MYO5A: variants seen among roughly 807,000 people sequenced by gnomAD.
The protein encoded by MYO5A is myosin VA, also known as unconventional myosin-Va.
Under a neutral mutation model 249.7 loss-of-function variants are expected in MYO5A, and 98 were observed. That is an observed-to-expected ratio of 0.39 (90% CI 0.33 to 0.46). MYO5A has a LOEUF of 0.46. Ranked by LOEUF, MYO5A falls within the 20% of genes least tolerant of loss-of-function variation. The probability of loss-of-function intolerance (pLI) is 0.98; values close to 1 mark genes in which losing one functional copy is unlikely to be tolerated. For missense variants in MYO5A, 1,696 were observed against 2,308.8 expected (o/e 0.73, Z 5.44); for synonymous variants, 778 against 810.6 (o/e 0.96, Z 0.68).
intron 1 of MYO5A, 26 bp downstream of exon 1, chr15:52,528,754 T>G: frequency 3.3e-6 from 5 of 1,502,832 alleles, no homozygotes; most frequent in Non-Finnish European, 4.4e-6. Flanking sequence ...GCCCCAGTCC[T>G]CGACGCCGGC....
intron 37 of MYO5A, among the ~76,000 whole-genome samples, chr15:52,322,315 T>A (rs1234700371): frequency 1.3e-5 from 2 of 152,228 alleles, no homozygotes; most frequent in Non-Finnish European, 2.9e-5. Flanking sequence ...CTCATCTCTG[T>A]GTTTCCCATC....
At chr15:52,397,494 A>C in intron 9 of MYO5A, 28 bp from the exon 10 acceptor site, 1 of 1,610,478 alleles carries the variant, frequency 6.2e-7, no homozygotes, top group Non-Finnish European at 8.5e-7. Context: ...GTTATTTCCT[A>C]TGACCAGATA....
intron 1 of MYO5A, among the ~76,000 whole-genome samples, chr15:52,450,843 G>GTTTTTTGTTTTTTTTTT (rs769982056): frequency 1.6e-3 from 132 of 84,548 alleles, no homozygotes; most frequent in African/African-American, 5.7e-3. Context: ...CACTACTGTG[G>GTTTTTTGTTTTTTTTTT]TTTTTTTTTT....
At chr15:52,318,142 A>G (rs1164614191) in intron 39 of MYO5A, among the ~76,000 whole-genome samples, 1 of 152,152 alleles carries the variant, frequency 6.6e-6, no homozygotes, top group Non-Finnish European at 1.5e-5. Context: ...CTCTTGGTGA[A>G]TATTCTAGCT....
At chr15:52,343,839 C>G (rs779000372) in intron 30 of MYO5A, among the ~76,000 whole-genome samples, 2 of 152,128 alleles carry the variant, frequency 1.3e-5, no homozygotes, top group Admixed American at 1.3e-4. Context: ...TTATTAAAAA[C>G]GTATAATTAG....
At chr15:52,526,213 T>C (rs1322016250) in intron 1 of MYO5A, among the ~76,000 whole-genome samples, 2 of 152,216 alleles carry the variant, frequency 1.3e-5, no homozygotes, top group Non-Finnish European at 2.9e-5. Flanking sequence ...ACGGTCTTGC[T>C]GTTTTGCCCA....
chr15:52,466,628 A>C (rs2076359279), intron 1 of MYO5A, among the ~76,000 whole-genome samples: 1 of 152,200 alleles, frequency 6.6e-6, no homozygotes, highest in Non-Finnish European at 1.5e-5. Flanking sequence ...ACATCAGCAT[A>C]ACAGTGGTCA....
chr15:52,390,807 C>A (rs2042199435), intron 12 of MYO5A, among the ~76,000 whole-genome samples: 1 of 152,128 alleles, frequency 6.6e-6, no homozygotes, highest in Admixed American at 6.5e-5. Flanking sequence ...TATCCACCCA[C>A]CTCAGCCTCT....
chr15:52,404,509 C>A lies in MYO5A; in HGVS notation c.1053+778G>T, dbSNP rs897875807. 7.9e-5 allele frequency among the ~76,000 whole-genome samples: 12 copies of A among 151,972 alleles called. 1 individual carries two copies. Among genetic ancestry groups the A allele is most frequent in the Admixed American group, 7.2e-4 (11 of 15,262 alleles). On this transcript the variant is annotated intron_variant, in intron 9 of 41. Transcript: ENST00000399233. ...GAATAAACACCATTTAAATTAAGGC[C>A]TTAATTAAGAATACCACAATGAATA... is the stretch of plus-strand genomic sequence containing the variant.
At chr15:52,410,299 A>T (rs755708436) in intron 6 of MYO5A, 34 bp downstream of exon 6, 1 of 1,598,322 alleles carries the variant, frequency 6.3e-7, no homozygotes, top group Admixed American at 1.7e-5. Context: ...ACAGCAATCT[A>T]ACACAAGTGC....
chr15:52,503,826 C>G (rs1221077023), intron 1 of MYO5A, among the ~76,000 whole-genome samples: 1 of 152,146 alleles, frequency 6.6e-6, no homozygotes, highest in East Asian at 1.9e-4. Context: ...GAGGTATTAT[C>G]TACCTCTACT....
At chr15:52,449,020 G>A (rs528378029) in intron 1 of MYO5A, among the ~76,000 whole-genome samples, 1 of 125,278 alleles carries the variant, frequency 8.0e-6, no homozygotes, top group Non-Finnish European at 1.6e-5. Context: ...CCAGGCTGGA[G>A]TGCAATGGCA....
chr15:52,365,980 T>G (rs2141068457), intron 23 of MYO5A, among the ~76,000 whole-genome samples: 1 of 152,278 alleles, frequency 6.6e-6, no homozygotes, highest in Non-Finnish European at 1.5e-5. Flanking sequence ...TTCTGGCTCC[T>G]TTTCTTTACC....
Position 52,307,515 on chromosome 15 carries a change from C to G in MYO5A, c.*6181G>C, listed in dbSNP as rs1046341348. On this transcript the variant is annotated 3_prime_UTR_variant, in exon 42 of 42. Coordinates refer to ENST00000399233, the MANE Select transcript of MYO5A (RefSeq NM_001382347.1). The stretch of plus-strand genomic sequence containing the variant: ...TATTAACTTATTTTTAAAAATTGCA[C>G]GTGAGATATGCTAGAATGGGTTCTA... 2 of 152,036 alleles carry G rather than the reference C, an allele frequency of 1.3e-5. No homozygotes were observed. Among genetic ancestry groups the G allele is most frequent in the African/African-American group, 2.4e-5 (1 of 41,378 alleles). 9.4% of individuals were successfully genotyped at this position (152,036 alleles called of 1,614,324 possible).
intron 1 of MYO5A, among the ~76,000 whole-genome samples, chr15:52,454,342 C>T (rs945433854): frequency 1.3e-5 from 2 of 152,114 alleles, no homozygotes; most frequent in African/African-American, 4.8e-5. Context: ...ATGCACCCAA[C>T]ACCAAAGTAC....
intron 1 of MYO5A, among the ~76,000 whole-genome samples, chr15:52,468,441 T>C (rs1241281646): frequency 1.3e-5 from 2 of 152,242 alleles, no homozygotes; most frequent in Non-Finnish European, 2.9e-5. Flanking sequence ...GAGTACTGCT[T>C]GAGCCCAGGA....
At chr15:52,417,956 A>T (rs1472750627) in intron 4 of MYO5A, among the ~76,000 whole-genome samples, 1 of 152,226 alleles carries the variant, frequency 6.6e-6, no homozygotes, top group Non-Finnish European at 1.5e-5. Flanking sequence ...TCAAGACTGT[A>T]ATACATGTGA....
chr15:52,321,737 A>T (rs771914606), intron 37 of MYO5A, among the ~76,000 whole-genome samples: 15 of 150,028 alleles, frequency 1.0e-4, no homozygotes, highest in Admixed American at 1.3e-4. Context: ...TTGGCAACCT[A>T]GCATTTAAGT....
At chr15:52,384,976 G>A (rs1046906336) in intron 14 of MYO5A, among the ~76,000 whole-genome samples, 1 of 152,164 alleles carries the variant, frequency 6.6e-6, no homozygotes, top group Non-Finnish European at 1.5e-5. Context: ...GTTTTCAAGG[G>A]ATTTATAACT....
Sources: gnomAD v4.1 joint callset for allele counts (sites outside exome capture counted in the v4.1 genomes callset) on GRCh38, gnomAD v4.1.1 for gene constraint, MANE v1.5 for transcripts, NCBI Gene and HGNC (gene_info 2026-07-23, HGNC 2026-07-21) for gene names.